The following DPP6 variants were observed in gnomAD, a reference collection of about 807,000 sequenced individuals.
DPP6 encodes the protein A-type potassium channel modulatory protein DPP6.
Under a neutral mutation model 122.6 loss-of-function variants are expected in DPP6, and 69 were observed. The observed-to-expected ratio is 0.56, with a 90% CI of 0.46 to 0.69. The LOEUF (loss-of-function observed/expected upper bound fraction) is 0.69. Ranked by LOEUF, DPP6 falls within the 30% of genes least tolerant of loss-of-function variation. DPP6 has a pLI of 0.00. For missense variants in DPP6, 928 were observed against 1,116.9 expected, an observed-to-expected ratio of 0.83 and a Z score of 2.41; for synonymous variants, 418 against 433.1, an observed-to-expected ratio of 0.97 and a Z score of 0.43.
At chr7:154,511,903 C>T (rs1448872667) in intron 3 of DPP6, among the ~76,000 whole-genome samples, 1 of 152,166 alleles carries the variant, frequency 6.6e-6, no homozygotes, top group Non-Finnish European at 1.5e-5. Context: ...TTTGTTAAAA[C>T]ATTTAAGTTA....
chr7:154,884,091 T>TGCTCACCCACACATGCTCACACACAC (rs1805817411), intron 21 of DPP6: 2 of 129,376 alleles, frequency 1.5e-5, no homozygotes, highest in Non-Finnish European at 3.2e-5. Context: ...CACACACACA[T>TGCTCACCCACACATGCTCACACACAC]GCTCACCCAT....
intron 5 of DPP6, among the ~76,000 whole-genome samples, chr7:154,601,592 C>T (rs1833410568): frequency 8.3e-6 from 1 of 121,010 alleles, no homozygotes; most frequent in African/African-American, 2.6e-5. Flanking sequence ...CTTCTAACCT[C>T]TTCATATGTT....
chr7:154,777,457 A>G (rs79638146), intron 10 of DPP6, among the ~76,000 whole-genome samples: 8 of 152,180 alleles, frequency 5.3e-5, no homozygotes, highest in Non-Finnish European at 4.4e-5. Context: ...GAACCTGACC[A>G]GGAAAGAATA....
At chr7:154,839,583 C>T (rs576218884) in intron 16 of DPP6, among the ~76,000 whole-genome samples, 9 of 152,288 alleles carry the variant, frequency 5.9e-5, no homozygotes, top group East Asian at 5.8e-4. Flanking sequence ...ATCAGCGGGG[C>T]GGGATTGTTA....
At chr7:154,794,859 A>C (rs942748866) in intron 11 of DPP6, among the ~76,000 whole-genome samples, 1 of 1,102 alleles carries the variant, frequency 9.1e-4, no homozygotes, top group African/African-American at 4.3e-3. Flanking sequence ...TAGACATCAA[A>C]TAATATCGAT....
chr7:154,776,320 G>T (rs532328114), intron 10 of DPP6, among the ~76,000 whole-genome samples: 1 of 152,088 alleles, frequency 6.6e-6, no homozygotes, highest in South Asian at 2.1e-4. Flanking sequence ...CCTCACATCG[G>T]CTGGGTCACT....
In DPP6 at chr7:154,627,000, C is replaced by CTTTTTTTTTTTTTTT. The variant is rs552919287; in HGVS notation, c.628-10804_628-10790dup. ...ATCTGGGGTCCATTAGAAATTTTTTCTTTTTTTTTTTTTTTTTTTTTTTTT... is the reference window on the plus strand; with the variant it reads ...ATCTGGGGTCCATTAGAAATTTTTTCTTTTTTTTTTTTTTTTTTTTTTTTTTTTTTTTTTTTTTTT... On this transcript the variant is annotated intron_variant, in intron 5 of 25. Coordinates refer to ENST00000377770, the MANE Select transcript of DPP6 (RefSeq NM_130797.4). 1.2e-4 allele frequency among the ~76,000 whole-genome samples: 6 copies of CTTTTTTTTTTTTTTT among 52,092 alleles called. 1 individual carries two copies. The highest frequency in any genetic ancestry group is 1.7e-4 in the Non-Finnish European group (5 of 29,794). The allele number at this position is 52,092 out of a possible 152,430, so 34.2% of individuals were successfully genotyped here.
chr7:154,061,988 CCCCTGGCTGTTGGTA>C, intron 1 of DPP6, among the ~76,000 whole-genome samples: 1 of 132,076 alleles, frequency 7.6e-6, no homozygotes, highest in Middle Eastern at 3.9e-3. Context: ...CCCTCTTCCG[CCCCTGGCTGTTGGTA>C]CCCCCATCGC....
chr7:153,855,225 A>T, the DPP6 span, among the ~76,000 whole-genome samples: 1 of 147,300 alleles, frequency 6.8e-6, no homozygotes, highest in African/African-American at 2.5e-5. Context: ...GTACCCTAAA[A>T]CTTAAAGTAT....
intron 6 of DPP6, among the ~76,000 whole-genome samples, chr7:154,652,697 G>A (rs539078692): frequency 7.9e-5 from 12 of 152,178 alleles, no homozygotes; most frequent in South Asian, 4.1e-4. Context: ...AGCCTGAGGC[G>A]TCAGAGTGCA....
intron 1 of DPP6, among the ~76,000 whole-genome samples, chr7:154,237,293 A>G (rs1801279228): frequency 6.6e-6 from 1 of 152,244 alleles, no homozygotes; most frequent in African/African-American, 2.4e-5. Flanking sequence ...GTTATCTGGA[A>G]ATAAAATGAA....
chr7:153,985,713 A>G lies in DPP6; in HGVS notation c.51+97979A>G, dbSNP rs36116313. 1.9e-3 allele frequency among the ~76,000 whole-genome samples: 296 copies of G among 152,320 alleles called. 1 individual carries two copies. Among genetic ancestry groups the G allele is most frequent in the Middle Eastern group, 3.4e-3 (1 of 294 alleles). On this transcript the variant is annotated intron_variant, in intron 1 of 25. Coordinates refer to the DPP6 transcript ENST00000404039. Reference sequence around the variant, plus strand: ...GAATAATTTGAGCAGAATAACAGAGAGAAAAGGAAAATGACTAAATAACAT... The same window carrying G: ...GAATAATTTGAGCAGAATAACAGAGGGAAAAGGAAAATGACTAAATAACAT...
At chr7:154,579,320 G>A (rs1337402677) in intron 5 of DPP6, among the ~76,000 whole-genome samples, 4 of 152,050 alleles carry the variant, frequency 2.6e-5, no homozygotes, top group East Asian at 1.9e-4. Flanking sequence ...CTGCACTACC[G>A]CCTGGGCAAC....
intron 7 of DPP6, among the ~76,000 whole-genome samples, chr7:154,679,836 C>G (rs1302185791): frequency 1.3e-5 from 2 of 152,154 alleles, no homozygotes; most frequent in Admixed American, 1.3e-4. Flanking sequence ...CTTCTGTACC[C>G]TCAGATAATG....
At chr7:154,112,672 C>T (rs1300999596) in intron 1 of DPP6, among the ~76,000 whole-genome samples, 4 of 151,868 alleles carry the variant, frequency 2.6e-5, no homozygotes, top group Non-Finnish European at 2.9e-5. Context: ...AGGAATCTCT[C>T]AGTAGGTACT....
intron 1 of DPP6, chr7:154,093,625 A>ACACACACCATACACACACACACC (rs1805076267): frequency 7.0e-6 from 1 of 141,856 alleles, no homozygotes; most frequent in Non-Finnish European, 1.5e-5. Context: ...ACACACACAC[A>ACACACACCATACACACACACACC]CACACACCAT....
At chr7:154,694,760 G>T (rs1029126234) in intron 7 of DPP6, among the ~76,000 whole-genome samples, 1 of 152,262 alleles carries the variant, frequency 6.6e-6, no homozygotes, top group African/African-American at 2.4e-5. Context: ...TAAACCTGGG[G>T]TTACCATTTT....
chr7:153,791,777 G>A, the DPP6 span, among the ~76,000 whole-genome samples: 2 of 152,158 alleles, frequency 1.3e-5, no homozygotes, highest in East Asian at 3.9e-4. Flanking sequence ...GCAGACAGAA[G>A]CCTACTTAGT....
intron 6 of DPP6, among the ~76,000 whole-genome samples, chr7:154,666,480 T>C (rs771210711): frequency 3.3e-5 from 5 of 152,140 alleles, no homozygotes; most frequent in Admixed American, 6.6e-5. Flanking sequence ...TATCACCTCA[T>C]ATACTTATCT....
Sources: allele counts gnomAD v4.1 joint callset (sites outside exome capture counted in the v4.1 genomes callset), GRCh38; gene constraint gnomAD v4.1.1; transcripts MANE v1.5; gene names NCBI Gene and HGNC (gene_info 2026-07-23, HGNC 2026-07-21).